Variants in MPDZ observed in about 807,000 individuals in gnomAD.
MPDZ encodes the protein multiple PDZ domain crumbs cell polarity complex component.
MPDZ carries 234 observed loss-of-function variants against 239.1 expected under a neutral mutation model. That is an observed-to-expected ratio of 0.98 (90% confidence interval 0.88 to 1.09). The LOEUF is 1.09. Ranked by LOEUF, MPDZ falls within the 50% of genes least tolerant of loss-of-function variation. The pLI, the probability that MPDZ is intolerant of heterozygous loss-of-function variation, is 0.00. For synonymous variants in MPDZ, 1,048 were observed against 881.3 expected (o/e 1.19, Z -3.35); for missense variants, 3,175 against 2,510.0 (o/e 1.26, Z -5.66).
At chr9:13,138,670 T>C (rs530915318) in intron 28 of MPDZ, among the ~76,000 whole-genome samples, 1 of 152,340 alleles carries the variant, frequency 6.6e-6, no homozygotes, top group Admixed American at 6.5e-5. Flanking sequence ...TTGATATATG[T>C]AACCCAGTTT....
Position 13,247,620 on chromosome 9 carries a change from T to A in MPDZ, c.183+15A>T. 1.2e-6 allele frequency: 2 copies of A among 1,600,590 alleles called. No individual in the cohort carries two copies. The highest frequency in any genetic ancestry group is 4.5e-5 in the East Asian group (2 of 44,548). ...GCCATGTCGTGAATGCCTGCTTGGGTGAATGATGTCCTACCTGGTCTTTCA... is the reference window on the plus strand; with the variant it reads ...GCCATGTCGTGAATGCCTGCTTGGGAGAATGATGTCCTACCTGGTCTTTCA... On this transcript the variant is annotated intron_variant, in intron 3 of 46. Transcript: ENST00000319217.
At chr9:13,273,077 G>A (rs927273768) in intron 1 of MPDZ, among the ~76,000 whole-genome samples, 1 of 152,228 alleles carries the variant, frequency 6.6e-6, no homozygotes, top group Non-Finnish European at 1.5e-5. Context: ...CATACCATAT[G>A]AAGACACAGC....
chr9:13,263,620 G>A (rs1034830853), intron 1 of MPDZ, among the ~76,000 whole-genome samples: 1 of 152,054 alleles, frequency 6.6e-6, no homozygotes, highest in Non-Finnish European at 1.5e-5. Flanking sequence ...CTCATTTTCT[G>A]ATGCTACTCT....
chr9:13,195,872 G>A (rs987046807), intron 13 of MPDZ, among the ~76,000 whole-genome samples: 12 of 152,012 alleles, frequency 7.9e-5, no homozygotes, highest in East Asian at 7.7e-4. Flanking sequence ...TACTATTACT[G>A]GAAATATTAA....
At chr9:13,236,195 ATATG>A (rs1274216010) in intron 3 of MPDZ, among the ~76,000 whole-genome samples, 59 of 47,202 alleles carry the variant, frequency 1.2e-3, no homozygotes, top group African/African-American at 3.6e-3. Flanking sequence ...GTTTCTGTAT[ATATG>A]TGTGTGTGTG....
intron 1 of MPDZ, among the ~76,000 whole-genome samples, chr9:13,252,280 T>C (rs1968240032): frequency 6.6e-6 from 1 of 152,014 alleles, no homozygotes; most frequent in Non-Finnish European, 1.5e-5. Context: ...TTAAAACACA[T>C]AAATAGGCCG....
intron 23 of MPDZ, among the ~76,000 whole-genome samples, chr9:13,159,502 GA>G (rs1242331457): frequency 6.6e-6 from 1 of 152,158 alleles, no homozygotes; most frequent in Non-Finnish European, 1.5e-5. Flanking sequence ...ATGCAAGGCA[GA>G]GAGGTAAAAA....
Position 13,176,163 on chromosome 9 carries a change from A to G in MPDZ, c.2904T>C (p.Pro968=), listed in dbSNP as rs1952459775. ...TTCCAGCTGAATCGGGTAGCACAGA[A>G]GGAAGTTCTGCACTTGATATAACTT... ...PSEVISSAEL[P]SVLPDSAGKG... The change falls in exon 20 of 47, where the codon CCT becomes CCC. Residue 968 remains proline, a synonymous_variant. Coordinates refer to ENST00000319217, the MANE Select transcript of MPDZ (RefSeq NM_001378778.1). The G allele has an allele frequency of 1.9e-6, 3 of 1,601,854 alleles. No individual in the cohort carries two copies. Among genetic ancestry groups the G allele is most frequent in the Non-Finnish European group, 2.6e-6 (3 of 1,173,242 alleles).
chr9:13,247,072 G>A (rs935605444), intron 3 of MPDZ, among the ~76,000 whole-genome samples: 1 of 152,160 alleles, frequency 6.6e-6, no homozygotes, highest in African/African-American at 2.4e-5. Context: ...ACATTTAGAA[G>A]TTCTAATGTT....
chr9:13,143,621 G>A, intron 26 of MPDZ, 57 bp from the exon 27 acceptor site: 1 of 1,389,966 alleles, frequency 7.2e-7, no homozygotes, highest in African/African-American at 1.4e-5. Flanking sequence ...AAACAACTCA[G>A]TTTTAAAAGC....
intron 12 of MPDZ, among the ~76,000 whole-genome samples, chr9:13,196,652 A>G (rs1955689887): frequency 1.3e-5 from 2 of 152,164 alleles, no homozygotes; most frequent in African/African-American, 2.4e-5. Context: ...AAAATCAAAC[A>G]AATGAAATCA....
chr9:13,222,191 G>C, intron 6 of MPDZ, 42 bp downstream of exon 6: 2 of 1,530,634 alleles, frequency 1.3e-6, no homozygotes, highest in Non-Finnish European at 1.8e-6. Context: ...AAAACAACTT[G>C]AAAAATACGT....
chr9:13,147,903 G>T (rs1399728767), intron 25 of MPDZ, among the ~76,000 whole-genome samples: 1 of 151,886 alleles, frequency 6.6e-6, no homozygotes, highest in Non-Finnish European at 1.5e-5. Context: ...TGAAATGAAG[G>T]CTCTGCTTCT....
At chr9:13,269,180 T>C (rs183822198) in intron 1 of MPDZ, among the ~76,000 whole-genome samples, 164 of 152,110 alleles carry the variant, frequency 1.1e-3, no homozygotes, top group African/African-American at 3.8e-3. Flanking sequence ...AGAGGTCAAC[T>C]CTCCCAGTGA....
chr9:13,229,203 A>G (rs1212100227), intron 3 of MPDZ, among the ~76,000 whole-genome samples: 1 of 152,160 alleles, frequency 6.6e-6, no homozygotes, highest in Non-Finnish European at 1.5e-5. Flanking sequence ...TTAAAAACAA[A>G]TAAATAAACC....
chr9:13,266,249 C>G (rs1477500300), intron 1 of MPDZ, among the ~76,000 whole-genome samples: 1 of 152,204 alleles, frequency 6.6e-6, no homozygotes, highest in Non-Finnish European at 1.5e-5. Flanking sequence ...CAGGAAAGAG[C>G]AGGCTCAAAT....
At chr9:13,144,457 TC>T (rs1948170219) in intron 26 of MPDZ, among the ~76,000 whole-genome samples, 1 of 152,074 alleles carries the variant, frequency 6.6e-6, no homozygotes, top group Admixed American at 6.6e-5. Flanking sequence ...TTCTTCTCCT[TC>T]TTTTCACACC....
chr9:13,165,269 T>C (rs1950934703), intron 22 of MPDZ: 1 of 1,157,288 alleles, frequency 8.6e-7, no homozygotes, highest in Non-Finnish European at 1.2e-6. Context: ...TATATCTGGA[T>C]CTATTCTTGC....
chr9:13,168,738 A>G (rs1951404534), intron 21 of MPDZ, among the ~76,000 whole-genome samples, 174 bp from the exon 22 acceptor site: 1 of 152,190 alleles, frequency 6.6e-6, no homozygotes, highest in Non-Finnish European at 1.5e-5. Flanking sequence ...ATTTTTAAGT[A>G]AATTGTAAAT....
Sources: gnomAD v4.1 joint callset for allele counts (sites outside exome capture counted in the v4.1 genomes callset) on GRCh38, gnomAD v4.1.1 for gene constraint, MANE v1.5 for transcripts, NCBI Gene and HGNC (gene_info 2026-07-23, HGNC 2026-07-21) for gene names.